Variants in LGSN observed in about 807,000 individuals in gnomAD.
The protein encoded by LGSN is lengsin.
In LGSN, 21 loss-of-function variants were observed where a neutral mutation model predicts 19.5. The observed-to-expected ratio is 1.07, with a 90% CI of 0.76 to 1.55. LGSN has a LOEUF of 1.55. Among genes scored for constraint, LGSN ranks in the 40% most tolerant of loss-of-function variants. The pLI is 0.00. For synonymous variants in LGSN, 257 were observed against 215.6 expected (o/e 1.19, Z -1.68); for missense variants, 673 against 608.5 (o/e 1.11, Z -1.12).
At chr6:63,355,342 A>C in the LGSN span, among the ~76,000 whole-genome samples, 1 of 152,236 alleles carries the variant, frequency 6.6e-6, no homozygotes, top group Non-Finnish European at 1.5e-5. Flanking sequence ...CTTGGGGCAC[A>C]AAAGTGAAGA....
chr6:63,433,961 C>A, the LGSN span, among the ~76,000 whole-genome samples: 1 of 152,292 alleles, frequency 6.6e-6, no homozygotes, highest in African/African-American at 2.4e-5. Context: ...AACAACTGAG[C>A]AGAGTTCAAT....
the LGSN span, among the ~76,000 whole-genome samples, chr6:63,438,349 C>A: frequency 6.6e-6 from 1 of 152,126 alleles, no homozygotes; most frequent in Non-Finnish European, 1.5e-5. Flanking sequence ...CCAAAATTGA[C>A]AAATGGGATC....
chr6:63,310,510 A>G (rs1197852861), intron 1 of LGSN, among the ~76,000 whole-genome samples: 1 of 152,134 alleles, frequency 6.6e-6, no homozygotes, highest in African/African-American at 2.4e-5. Flanking sequence ...TATATACAAT[A>G]TGAAGGTATG....
chr6:63,554,567 G>A, the LGSN span, among the ~76,000 whole-genome samples: 1 of 152,206 alleles, frequency 6.6e-6, no homozygotes, highest in Non-Finnish European at 1.5e-5. Context: ...GGAGGCCAAG[G>A]TGGGTAGATC....
At chr6:63,384,987 T>C in the LGSN span, among the ~76,000 whole-genome samples, 27,779 of 152,098 alleles carry the variant, frequency 0.18, 4,757 homozygotes, top group African/African-American at 0.46. Flanking sequence ...TGGCCAGCTG[T>C]AAGCCAAGGA....
chr6:63,454,798 T>C, the LGSN span, among the ~76,000 whole-genome samples: 3 of 133,562 alleles, frequency 2.2e-5, no homozygotes, highest in Non-Finnish European at 4.8e-5. Context: ...TTTTTCTTTT[T>C]TTTTTTTTTT....
chr6:63,484,008 C>G, the LGSN span, among the ~76,000 whole-genome samples: 81,398 of 151,780 alleles, frequency 0.54, 23,657 homozygotes, highest in African/African-American at 0.77. Flanking sequence ...TAAAAAATTA[C>G]CCAGGCATGT....
chr6:63,434,901 G>T, the LGSN span, among the ~76,000 whole-genome samples: 1 of 152,092 alleles, frequency 6.6e-6, no homozygotes, highest in South Asian at 2.1e-4. Context: ...GCACCCTCTG[G>T]GTTAAAAGAG....
At chr6:63,374,855 T>C in the LGSN span, among the ~76,000 whole-genome samples, 1 of 152,208 alleles carries the variant, frequency 6.6e-6, no homozygotes, top group African/African-American at 2.4e-5. Flanking sequence ...CATGTGCTAC[T>C]CCTGAACATC....
the LGSN span, among the ~76,000 whole-genome samples, chr6:63,535,032 C>G: frequency 2.0e-5 from 3 of 151,864 alleles, no homozygotes; most frequent in African/African-American, 7.3e-5. Context: ...TGCACTCCAG[C>G]CTGGGCAACA....
chr6:63,380,514 G>A, the LGSN span, among the ~76,000 whole-genome samples: 1 of 152,158 alleles, frequency 6.6e-6, no homozygotes, highest in African/African-American at 2.4e-5. Context: ...TAAGTCTGCT[G>A]TTTGACAGGT....
At chr6:63,458,916 TCA>T in the LGSN span, among the ~76,000 whole-genome samples, 3 of 152,210 alleles carry the variant, frequency 2.0e-5, no homozygotes, top group Middle Eastern at 3.2e-3. Context: ...CAAATTAGGC[TCA>T]GTTTTTTGTT....
At chr6:63,422,733 T>C in the LGSN span, among the ~76,000 whole-genome samples, 8 of 151,746 alleles carry the variant, frequency 5.3e-5, no homozygotes, top group East Asian at 1.4e-3. Flanking sequence ...ATACTATAGA[T>C]AATCAAAATA....
chr6:63,550,720 G>T, the LGSN span, among the ~76,000 whole-genome samples: 1 of 151,944 alleles, frequency 6.6e-6, no homozygotes, highest in Non-Finnish European at 1.5e-5. Flanking sequence ...CACCTCCTGG[G>T]TTCAAGCAAT....
chr6:63,343,036 G>A, the LGSN span, among the ~76,000 whole-genome samples: 18 of 152,204 alleles, frequency 1.2e-4, no homozygotes, highest in Non-Finnish European at 2.4e-4. Flanking sequence ...TCACTTCTTG[G>A]TTTTAATGAC....
At chr6:63,530,712 G>A in the LGSN span, among the ~76,000 whole-genome samples, 1 of 152,052 alleles carries the variant, frequency 6.6e-6, no homozygotes, top group Non-Finnish European at 1.5e-5. Context: ...ATGATCAGAA[G>A]GAAGTACATC....
At chr6:63,557,816 G>A in the LGSN span, among the ~76,000 whole-genome samples, 2 of 152,268 alleles carry the variant, frequency 1.3e-5, no homozygotes, top group Admixed American at 1.3e-4. Context: ...CTAAAAGTCA[G>A]TGTAGGATCA....
At chr6:63,422,060 A>T in the LGSN span, among the ~76,000 whole-genome samples, 1 of 152,184 alleles carries the variant, frequency 6.6e-6, no homozygotes, top group Admixed American at 6.5e-5. Flanking sequence ...GACCAAAAAA[A>T]TTTTTTGTTG....
chr6:63,355,367 T>A, the LGSN span, among the ~76,000 whole-genome samples: 1 of 152,260 alleles, frequency 6.6e-6, no homozygotes, highest in Non-Finnish European at 1.5e-5. Context: ...GTACTTTGTC[T>A]CTTTCCTCAT....
Sources: gnomAD v4.1 joint callset for allele counts (sites outside exome capture counted in the v4.1 genomes callset) on GRCh38, gnomAD v4.1.1 for gene constraint, MANE v1.5 for transcripts, NCBI Gene and HGNC (gene_info 2026-07-23, HGNC 2026-07-21) for gene names.